VPS26A: variants seen among roughly 807,000 people sequenced by gnomAD.
VPS26A encodes the protein vacuolar protein sorting-associated protein 26A.
VPS26A carries 22 observed loss-of-function variants against 42.4 expected under a neutral mutation model. The ratio of observed to expected loss-of-function variants is 0.52; its 90% CI spans 0.37 to 0.74. The LOEUF is 0.74. Among genes scored for constraint, VPS26A ranks in the 30% least tolerant of loss-of-function variants. The pLI, the probability that VPS26A is intolerant of heterozygous loss-of-function variation, is 0.00. For synonymous variants in VPS26A, 110 were observed against 123.5 expected (o/e 0.89, Z 0.73); for missense variants, 276 against 379.2 (o/e 0.73, Z 2.26).
chr10:69,165,899 T>C lies in VPS26A; in HGVS notation c.659-143T>C, dbSNP rs1206907676. ...AGGTTGAGGCTGCGGCAAGCCATGA[T>C]TGGACCACTGCACTCTAGCTTGGGT... On this transcript the variant is annotated intron_variant, in intron 6 of 8. Coordinates refer to ENST00000263559, the MANE Select transcript of VPS26A (RefSeq NM_004896.5). The C allele has an allele frequency of 1.1e-5, 8 of 745,116 alleles. No homozygotes were observed. In the African/African-American group the frequency reaches 1.1e-4, roughly 10 times the overall value. The allele number at this position is 745,116 out of a possible 1,614,324, so 46.2% of individuals were successfully genotyped here.
intron 2 of VPS26A, among the ~76,000 whole-genome samples, chr10:69,137,532 C>T (rs1840941051): frequency 6.6e-6 from 1 of 152,176 alleles, no homozygotes; most frequent in Non-Finnish European, 1.5e-5. Context: ...TGGCCCCTTT[C>T]TCTCAGTTTG....
At chr10:69,133,998 T>C (rs910287613) in intron 2 of VPS26A, among the ~76,000 whole-genome samples, 10 of 152,210 alleles carry the variant, frequency 6.6e-5, no homozygotes, top group South Asian at 4.1e-4. Context: ...ATTATTCTTA[T>C]ATTTTAGGGA....
intron 2 of VPS26A, among the ~76,000 whole-genome samples, chr10:69,136,547 G>A (rs1840916369): frequency 6.6e-6 from 1 of 152,040 alleles, no homozygotes; most frequent in South Asian, 2.1e-4. Flanking sequence ...TGGATTACAG[G>A]CGTGAGCTAC....
chr10:69,152,375 A>T (rs1447526054), intron 2 of VPS26A, among the ~76,000 whole-genome samples: 2 of 152,178 alleles, frequency 1.3e-5, no homozygotes, highest in Non-Finnish European at 2.9e-5. Context: ...TATTCACGTA[A>T]CACATCATGC....
intron 1 of VPS26A, among the ~76,000 whole-genome samples, chr10:69,124,557 G>A (rs925908993): frequency 6.6e-6 from 1 of 152,192 alleles, no homozygotes; most frequent in African/African-American, 2.4e-5. Context: ...TGGGGCTCTG[G>A]CTGGGGACTC....
chr10:69,171,345 T>G lies in VPS26A; in HGVS notation c.*76T>G. 2.9e-6 allele frequency: 4 copies of G among 1,403,300 alleles called. No homozygotes were observed. The highest frequency in any genetic ancestry group is 1.3e-5 in the South Asian group (1 of 78,242). The allele number at this position is 1,403,300 out of a possible 1,614,324, so 86.9% of individuals were successfully genotyped here. A position where few individuals can be genotyped will look rare whatever the true frequency, so the allele number is the denominator to read the frequency against. ...TTAAGTTCAGCAGGTTAAAGATGGT[T>G]GCAGCTGGAGGGGGCGGAAAAAGGC... On this transcript the variant is annotated 3_prime_UTR_variant, in exon 9 of 9. Coordinates refer to ENST00000263559, the MANE Select transcript of VPS26A (RefSeq NM_004896.5).
At chr10:69,150,235 TG>T (rs1291681719) in intron 2 of VPS26A, among the ~76,000 whole-genome samples, 2 of 151,328 alleles carry the variant, frequency 1.3e-5, no homozygotes, top group African/African-American at 4.9e-5. Context: ...TGTATTTTTT[TG>T]TAGAAAACGG....
At chr10:69,136,056 A>G (rs1364382200) in intron 2 of VPS26A, among the ~76,000 whole-genome samples, 1 of 152,020 alleles carries the variant, frequency 6.6e-6, no homozygotes, top group African/African-American at 2.4e-5. Flanking sequence ...AACTTGCAAT[A>G]TCTGTTGAAG....
chr10:69,146,568 G>A (rs1263679014), intron 2 of VPS26A, among the ~76,000 whole-genome samples: 1 of 151,982 alleles, frequency 6.6e-6, no homozygotes, highest in Non-Finnish European at 1.5e-5. Context: ...CCCATTAAGC[G>A]GTAACTCCCC....
chr10:69,151,274 A>AAAAAAAAAAAAAAAC (rs1554854498), intron 2 of VPS26A, among the ~76,000 whole-genome samples: 1 of 90,108 alleles, frequency 1.1e-5, no homozygotes, highest in Non-Finnish European at 2.8e-5. Context: ...CAAAAAAAAA[A>AAAAAAAAAAAAAAAC]AAAAAAAAAC....
At chr10:69,167,274 T>C (rs1417931948) in intron 7 of VPS26A, among the ~76,000 whole-genome samples, 1 of 148,564 alleles carries the variant, frequency 6.7e-6, no homozygotes, top group Non-Finnish European at 1.5e-5. Flanking sequence ...CTATAAAAAA[T>C]ACAAAAATTA....
rs898390640 is a variant in VPS26A, at chr10:69,174,229, A to T, written c.*2960A>T. ...GGTCCACGGCTCCGTTAAGTCAGCG[A>T]GACCGCAAACCCACTGGAAGGAACC... is the stretch of plus-strand genomic sequence containing the variant. On this transcript the variant is annotated 3_prime_UTR_variant, in exon 9 of 9. Coordinates refer to ENST00000263559, the MANE Select transcript of VPS26A (RefSeq NM_004896.5). 2.6e-5 allele frequency among the ~76,000 whole-genome samples: 4 copies of T among 152,178 alleles called. No homozygotes were observed. Among genetic ancestry groups the T allele is most frequent in the African/African-American group, 9.7e-5 (4 of 41,450 alleles).
intron 2 of VPS26A, among the ~76,000 whole-genome samples, chr10:69,154,515 A>C (rs1346170857): frequency 6.6e-6 from 1 of 152,084 alleles, no homozygotes; most frequent in African/African-American, 2.4e-5. Context: ...TAGCCTGGGC[A>C]ACAAGAGCGA....
intron 4 of VPS26A, 131 bp from the exon 5 acceptor site, chr10:69,157,916 A>T: frequency 2.8e-6 from 2 of 707,468 alleles, no homozygotes; most frequent in East Asian, 6.1e-5. Context: ...TCGTGAAGTA[A>T]TGAAGTAAGT....
At chr10:69,159,553 T>C (rs1056864162) in intron 5 of VPS26A, among the ~76,000 whole-genome samples, 5 of 152,230 alleles carry the variant, frequency 3.3e-5, no homozygotes, top group African/African-American at 4.8e-5. Flanking sequence ...TGCAATGATA[T>C]TCTGTTGTTA....
chr10:69,166,822 AATT>A (rs1162344767), intron 7 of VPS26A, among the ~76,000 whole-genome samples: 1 of 152,142 alleles, frequency 6.6e-6, no homozygotes, highest in East Asian at 1.9e-4. Flanking sequence ...TGCATGAGAA[AATT>A]ATTATGTAAA....
intron 2 of VPS26A, among the ~76,000 whole-genome samples, chr10:69,145,598 G>A (rs1841140166): frequency 6.6e-6 from 1 of 152,074 alleles, no homozygotes; most frequent in South Asian, 2.1e-4. Context: ...GATGTATATT[G>A]AAGAAGCCAT....
intron 1 of VPS26A, 138 bp from the exon 2 acceptor site, chr10:69,132,760 T>C: frequency 6.7e-6 from 6 of 892,640 alleles, no homozygotes; most frequent in Non-Finnish European, 6.5e-6. Flanking sequence ...TAGCATTTGA[T>C]ATATGTTTTT....
intron 2 of VPS26A, chr10:69,133,762 A>C: frequency 4.8e-6 from 2 of 415,912 alleles, no homozygotes; most frequent in South Asian, 4.0e-5. Context: ...GGCTTACTGC[A>C]TGCGGCCTTG....
Sources: allele counts gnomAD v4.1 joint callset (sites outside exome capture counted in the v4.1 genomes callset), GRCh38; gene constraint gnomAD v4.1.1; transcripts MANE v1.5; gene names NCBI Gene and HGNC (gene_info 2026-07-23, HGNC 2026-07-21).